Variants in SLC38A12 observed in about 807,000 individuals in gnomAD.
SLC38A12 encodes the protein putative sodium-coupled neutral amino acid transporter 12.
the SLC38A12 span, chr17:74,838,281 C>G: frequency 1.0e-6 from 1 of 985,898 alleles, no homozygotes; most frequent in Non-Finnish European, 1.2e-6. Flanking sequence ...CTCCATCTAT[C>G]ATTGCGACTT....
the SLC38A12 span, among the ~76,000 whole-genome samples, chr17:74,808,038 T>G: frequency 6.6e-6 from 1 of 152,166 alleles, no homozygotes; most frequent in Non-Finnish European, 1.5e-5. Flanking sequence ...ATCTTCCCCT[T>G]CCCCCTAAAC....
chr17:74,790,323 G>A, the SLC38A12 span: 6 of 1,598,060 alleles, frequency 3.8e-6, no homozygotes, highest in African/African-American at 2.7e-5. Flanking sequence ...TCGCGGGCCC[G>A]CACTTCCCTC....
the SLC38A12 span, among the ~76,000 whole-genome samples, chr17:74,784,805 G>GGAGTGGC: frequency 5.9e-5 from 9 of 152,206 alleles, no homozygotes; most frequent in African/African-American, 2.2e-4. Context: ...GGAAGAATGG[G>GGAGTGGC]GAGTGGCCGC....
At chr17:74,832,547 C>G in the SLC38A12 span, among the ~76,000 whole-genome samples, 4 of 152,256 alleles carry the variant, frequency 2.6e-5, no homozygotes, top group African/African-American at 9.6e-5. Flanking sequence ...GGCCTCTCCC[C>G]CTCCTGGTGT....
chr17:74,835,921 T>C, the SLC38A12 span: 1 of 1,594,004 alleles, frequency 6.3e-7, no homozygotes, highest in African/African-American at 1.3e-5. Flanking sequence ...CTCTCTCGTT[T>C]CCCAGCTTTC....
the SLC38A12 span, among the ~76,000 whole-genome samples, chr17:74,776,908 C>T: frequency 0.29 from 44,666 of 152,122 alleles, 8,028 homozygotes; most frequent in Non-Finnish European, 0.41. Flanking sequence ...TAGTGAGCTC[C>T]TGGTTCCTGG....
the SLC38A12 span, among the ~76,000 whole-genome samples, chr17:74,832,973 G>GTGAAA: frequency 6.6e-6 from 1 of 152,288 alleles, no homozygotes; most frequent in South Asian, 2.1e-4. Context: ...ACTAATTATG[G>GTGAAA]CTAGAAGATC....
the SLC38A12 span, chr17:74,788,698 G>A: frequency 9.5e-7 from 1 of 1,055,248 alleles, no homozygotes; most frequent in Non-Finnish European, 1.4e-6. Context: ...CTGGGCTGGT[G>A]GGTCTGGTCG....
At chr17:74,825,583 C>T in the SLC38A12 span, among the ~76,000 whole-genome samples, 1 of 152,208 alleles carries the variant, frequency 6.6e-6, no homozygotes, top group Non-Finnish European at 1.5e-5. Context: ...CCCTTGCAGC[C>T]GTACCTCTCC....
At chr17:74,832,668 T>C in the SLC38A12 span, among the ~76,000 whole-genome samples, 1 of 152,250 alleles carries the variant, frequency 6.6e-6, no homozygotes, top group South Asian at 2.1e-4. Context: ...GCAGCCGAGC[T>C]GCCACACAGC....
the SLC38A12 span, among the ~76,000 whole-genome samples, chr17:74,813,556 C>T: frequency 6.6e-6 from 1 of 152,074 alleles, no homozygotes. Context: ...ATGGCGCAAT[C>T]TCAGCTTACC....
At chr17:74,785,515 G>A in the SLC38A12 span, 1 of 1,614,110 alleles carries the variant, frequency 6.2e-7, no homozygotes, top group Non-Finnish European at 8.5e-7. Flanking sequence ...CCTCATCGTG[G>A]GCACGGGCGC....
chr17:74,830,945 G>A, the SLC38A12 span, among the ~76,000 whole-genome samples: 1 of 152,176 alleles, frequency 6.6e-6, no homozygotes, highest in African/African-American at 2.4e-5. Flanking sequence ...CTTGGCAGGC[G>A]ACCTCGCGGG....
the SLC38A12 span, among the ~76,000 whole-genome samples, chr17:74,826,378 G>C: frequency 6.6e-6 from 1 of 152,198 alleles, no homozygotes; most frequent in African/African-American, 2.4e-5. Context: ...CCACAGGATA[G>C]AACCTCGTCC....
At chr17:74,777,016 G>T in the SLC38A12 span, among the ~76,000 whole-genome samples, 229 of 152,276 alleles carry the variant, frequency 1.5e-3, 1 homozygote, top group African/African-American at 5.3e-3. Context: ...CTTGCACCCC[G>T]AGCAGCATTG....
chr17:74,810,060 C>A, the SLC38A12 span, among the ~76,000 whole-genome samples: 1 of 152,186 alleles, frequency 6.6e-6, no homozygotes, highest in Non-Finnish European at 1.5e-5. Context: ...GCTGCTGGGA[C>A]CTTCACTTTT....
the SLC38A12 span, chr17:74,791,157 A>C: frequency 2.4e-6 from 2 of 820,460 alleles, no homozygotes; most frequent in Non-Finnish European, 3.9e-6. Context: ...AGCAGGTGGT[A>C]GAGCTGCTCC....
the SLC38A12 span, chr17:74,839,076 C>T: frequency 2.6e-6 from 4 of 1,535,296 alleles, no homozygotes; most frequent in African/African-American, 1.4e-5. Context: ...TGCCTCCCTC[C>T]CCACAGAAGC....
chr17:74,828,598 A>G, the SLC38A12 span, among the ~76,000 whole-genome samples: 1 of 152,028 alleles, frequency 6.6e-6, no homozygotes, highest in Non-Finnish European at 1.5e-5. Flanking sequence ...TCACATCCTT[A>G]TGGAGATGTC....
Sources: gnomAD v4.1 joint callset for allele counts (sites outside exome capture counted in the v4.1 genomes callset) on GRCh38, gnomAD v4.1.1 for gene constraint, MANE v1.5 for transcripts, NCBI Gene and HGNC (gene_info 2026-07-23, HGNC 2026-07-21) for gene names.